Variants in LHFPL6 observed in about 807,000 individuals in gnomAD.
LHFPL6 encodes LHFPL tetraspan subfamily member 6, also known as LHFPL tetraspan subfamily member 6 protein.
Under a neutral mutation model 20.6 loss-of-function variants are expected in LHFPL6, and 9 were observed. The observed-to-expected ratio is 0.44, with a 90% CI of 0.26 to 0.76. The LOEUF (loss-of-function observed/expected upper bound fraction) is 0.76, where lower values mean the gene tolerates loss of function less well. LHFPL6 is among the 30% of genes least tolerant of loss of function. The pLI is 0.20. For synonymous variants in LHFPL6, 105 were observed against 98.7 expected (o/e 1.06, Z -0.38); for missense variants, 218 against 253.5 (o/e 0.86, Z 0.95).
chr13:39,589,781 G>A (rs543916678), intron 2 of LHFPL6, among the ~76,000 whole-genome samples: 20 of 152,200 alleles, frequency 1.3e-4, no homozygotes, highest in African/African-American at 3.6e-4. Context: ...GCACACGATC[G>A]TCTGTTAAAT....
intron 3 of LHFPL6, among the ~76,000 whole-genome samples, chr13:39,352,990 A>ATATATATATAATT (rs1263177836): frequency 5.9e-5 from 5 of 84,270 alleles, no homozygotes; most frequent in South Asian, 5.0e-4. Context: ...TATATATATA[A>ATATATATATAATT]TTTTTTTTTT....
intron 2 of LHFPL6, among the ~76,000 whole-genome samples, chr13:39,382,172 C>G (rs1243151411): frequency 6.6e-6 from 1 of 152,188 alleles, no homozygotes; most frequent in Non-Finnish European, 1.5e-5. Context: ...GTACCCTGCA[C>G]TACTCCGGAA....
At chr13:39,593,856 G>T (rs1872687302) in intron 2 of LHFPL6, among the ~76,000 whole-genome samples, 1 of 152,188 alleles carries the variant, frequency 6.6e-6, no homozygotes, top group African/African-American at 2.4e-5. Flanking sequence ...ACAAAAATGA[G>T]AAATGGGGAA....
At chr13:39,522,988 G>T (rs1274300265) in intron 2 of LHFPL6, among the ~76,000 whole-genome samples, 2 of 152,124 alleles carry the variant, frequency 1.3e-5, no homozygotes, top group African/African-American at 4.8e-5. Flanking sequence ...TCTGAAATCA[G>T]CAATATTCAA....
chr13:39,553,677 G>T lies in LHFPL6; in HGVS notation c.385+47155C>A, dbSNP rs935497151. Among the ~76,000 whole-genome samples, 6 of 152,258 alleles carry T rather than the reference G, an allele frequency of 3.9e-5. No individual in the cohort carries two copies. The Middle Eastern group carries it at 0.014, about 345-fold the overall frequency. On this transcript the variant is annotated intron_variant, in intron 2 of 3. Coordinates refer to ENST00000379589, the MANE Select transcript of LHFPL6 (RefSeq NM_005780.3). ...CAGTGAACTATGATTGCGCCACTGCGCTACAGCCTGGGTGACAGAGCAAGA... is the reference window on the plus strand; with the variant it reads ...CAGTGAACTATGATTGCGCCACTGCTCTACAGCCTGGGTGACAGAGCAAGA...
chr13:39,592,369 T>C (rs561745632), intron 2 of LHFPL6, among the ~76,000 whole-genome samples: 35 of 152,258 alleles, frequency 2.3e-4, no homozygotes, highest in African/African-American at 7.2e-4. Context: ...CTAGAAAATC[T>C]AGAAGAAATG....
At chr13:39,597,385 G>A (rs371335373) in intron 2 of LHFPL6, among the ~76,000 whole-genome samples, 2 of 152,004 alleles carry the variant, frequency 1.3e-5, no homozygotes, top group African/African-American at 2.4e-5. Flanking sequence ...TTACTAATAC[G>A]TGCACCAAAA....
At chr13:39,572,288 CTGTGTGTGTGTG>C (rs3222813) in intron 2 of LHFPL6, among the ~76,000 whole-genome samples, 125 of 143,506 alleles carry the variant, frequency 8.7e-4, no homozygotes, top group African/African-American at 2.4e-3. Flanking sequence ...TTTTTAAACT[CTGTGTGTGTGTG>C]TGTGTGTGTG....
chr13:39,506,768 C>T (rs1427203320), intron 2 of LHFPL6, among the ~76,000 whole-genome samples: 2 of 152,142 alleles, frequency 1.3e-5, no homozygotes, highest in Non-Finnish European at 2.9e-5. Context: ...CACATATAAG[C>T]TAAAGCTGAG....
intron 2 of LHFPL6, among the ~76,000 whole-genome samples, chr13:39,546,337 T>G (rs1870981870): frequency 1.3e-5 from 2 of 152,128 alleles, no homozygotes; most frequent in African/African-American, 4.8e-5. Flanking sequence ...AAATGTAGAT[T>G]CCTGGGCAAT....
intron 2 of LHFPL6, among the ~76,000 whole-genome samples, chr13:39,592,193 G>C (rs1475731390): frequency 6.6e-6 from 1 of 151,358 alleles, no homozygotes; most frequent in Non-Finnish European, 1.5e-5. Flanking sequence ...CCCACGTTAA[G>C]GCTTAGAAAA....
At chr13:39,549,670 C>A (rs996976987) in intron 2 of LHFPL6, among the ~76,000 whole-genome samples, 9 of 151,996 alleles carry the variant, frequency 5.9e-5, no homozygotes, top group Admixed American at 2.6e-4. Context: ...GTCATTTACC[C>A]AGGAGAAATG....
At chr13:39,591,241 A>G (rs965535226) in intron 2 of LHFPL6, among the ~76,000 whole-genome samples, 1 of 152,234 alleles carries the variant, frequency 6.6e-6, no homozygotes, top group Non-Finnish European at 1.5e-5. Context: ...CTACCAGAAC[A>G]TGTAGCAGCA....
At chr13:39,515,026 G>C (rs1489259203) in intron 2 of LHFPL6, among the ~76,000 whole-genome samples, 1 of 152,174 alleles carries the variant, frequency 6.6e-6, no homozygotes, top group East Asian at 1.9e-4. Context: ...ATTCCTTTGA[G>C]GACCATCCGA....
At chr13:39,582,314 AG>A (rs1872313579) in intron 2 of LHFPL6, among the ~76,000 whole-genome samples, 1 of 152,212 alleles carries the variant, frequency 6.6e-6, no homozygotes. Context: ...CCCAGAGTCC[AG>A]GGTCTCATTC....
Position 39,575,300 on chromosome 13 carries a change from A to T in LHFPL6, c.385+25532T>A, listed in dbSNP as rs116157761. On this transcript the variant is annotated intron_variant, in intron 2 of 3. Coordinates refer to ENST00000379589, the MANE Select transcript of LHFPL6 (RefSeq NM_005780.3). ...TTCTGCTAATACCCCCAGGACAATC[A>T]TTTCTGAAACTATTTGTACCCTTAC... 2.8e-3 allele frequency among the ~76,000 whole-genome samples: 423 copies of T among 152,306 alleles called. 2 individuals are homozygous for T. The highest frequency in any genetic ancestry group is 9.7e-3 in the African/African-American group (403 of 41,562).
At chr13:39,469,245 G>A (rs1228701585) in intron 2 of LHFPL6, among the ~76,000 whole-genome samples, 1 of 152,152 alleles carries the variant, frequency 6.6e-6, no homozygotes, top group African/African-American at 2.4e-5. Flanking sequence ...ACTGTGTGCT[G>A]CCAGCCACTT....
At chr13:39,596,743 T>G (rs1254308358) in intron 2 of LHFPL6, among the ~76,000 whole-genome samples, 5 of 152,166 alleles carry the variant, frequency 3.3e-5, no homozygotes, top group African/African-American at 9.7e-5. Context: ...CTGTTTTCAG[T>G]TAAGACACTG....
In LHFPL6 at chr13:39,345,341, C is replaced by T. The variant is rs1462396562; in HGVS notation, c.485-1287G>A. Among the ~76,000 whole-genome samples the T allele has an allele frequency of 5.9e-5, 9 of 151,464 alleles. 1 individual carries two copies. In the East Asian group the frequency reaches 1.6e-3, roughly 26 times the overall value. On this transcript the variant is annotated intron_variant, in intron 3 of 3. Transcript: ENST00000379589. The stretch of plus-strand genomic sequence containing the variant: ...CAGCCTGACCAACATGGCAAAACCC[C>T]GTCTCTACTAAAAATACAAAAATTA...
Sources: gnomAD v4.1 joint callset for allele counts (sites outside exome capture counted in the v4.1 genomes callset) on GRCh38, gnomAD v4.1.1 for gene constraint, MANE v1.5 for transcripts, NCBI Gene and HGNC (gene_info 2026-07-23, HGNC 2026-07-21) for gene names.